Variants in ANXA8 observed in about 807,000 individuals in gnomAD.
ANXA8 encodes VAC-beta.
ANXA8 carries 9 observed loss-of-function variants against 26.8 expected under a neutral mutation model. That is an observed-to-expected ratio of 0.34 (90% confidence interval 0.20 to 0.59). The LOEUF (loss-of-function observed/expected upper bound fraction) is 0.59. Among genes scored for constraint, ANXA8 ranks in the 20% least tolerant of loss-of-function variants. The pLI is 0.84. For synonymous variants in ANXA8, 39 were observed against 94.8 expected (o/e 0.41, Z 3.42); for missense variants, 83 against 238.5 (o/e 0.35, Z 4.29).
chr10:47,483,899 C>T lies in ANXA8; in HGVS notation c.21+14G>A. 1 of 1,611,756 alleles carries T rather than the reference C, an allele frequency of 6.2e-7. No homozygotes were observed. ...CCATGCAGGAACCCAAATCTCCTGC[C>T]AGCTCCCACTTACCCAGGATTTCCA... On this transcript the variant is annotated intron_variant, in intron 1 of 11. Coordinates refer to ENST00000585281, the MANE Select transcript of ANXA8 (RefSeq NM_001040084.3).
the ANXA8 span, among the ~76,000 whole-genome samples, chr10:47,593,710 T>C: frequency 1.3e-5 from 2 of 149,248 alleles, no homozygotes; most frequent in African/African-American, 5.1e-5. Context: ...TACACCACTG[T>C]CATACTTTCA....
the ANXA8 span, among the ~76,000 whole-genome samples, chr10:47,693,201 C>T: frequency 6.6e-6 from 1 of 151,294 alleles, no homozygotes; most frequent in Non-Finnish European, 1.5e-5. Context: ...AACTTCGAAG[C>T]AATATTGATA....
the ANXA8 span, among the ~76,000 whole-genome samples, chr10:47,902,032 T>A: frequency 6.7e-6 from 1 of 148,486 alleles, no homozygotes; most frequent in African/African-American, 2.5e-5. Context: ...TTTATATGTA[T>A]AATCATCTAA....
chr10:47,483,612 T>G, intron 1 of ANXA8, among the ~76,000 whole-genome samples: 1 of 143,022 alleles, frequency 7.0e-6, no homozygotes, highest in East Asian at 2.2e-4. Context: ...CTCCTTTGAG[T>G]GGCCCCACCC....
the ANXA8 span, among the ~76,000 whole-genome samples, chr10:47,606,803 C>T: frequency 6.6e-6 from 1 of 150,506 alleles, no homozygotes; most frequent in Non-Finnish European, 1.5e-5. Flanking sequence ...GTACAACAAA[C>T]CACCATGATA....
chr10:47,563,874 T>C, the ANXA8 span, among the ~76,000 whole-genome samples: 1 of 151,866 alleles, frequency 6.6e-6, no homozygotes, highest in Non-Finnish European at 1.5e-5. Flanking sequence ...GGGAGGGATT[T>C]TTTTACGGGA....
chr10:47,682,004 T>C, the ANXA8 span, among the ~76,000 whole-genome samples: 2 of 149,612 alleles, frequency 1.3e-5, no homozygotes, highest in African/African-American at 5.0e-5. Flanking sequence ...CTTATCCCAT[T>C]GTCTCATAGC....
chr10:47,669,046 C>T, the ANXA8 span, among the ~76,000 whole-genome samples: 5 of 151,852 alleles, frequency 3.3e-5, no homozygotes, highest in South Asian at 6.2e-4. Context: ...TATGTGTTTT[C>T]TTAAGGCCTC....
chr10:47,593,391 C>T, the ANXA8 span, among the ~76,000 whole-genome samples: 1 of 149,784 alleles, frequency 6.7e-6, no homozygotes, highest in African/African-American at 2.5e-5. Context: ...GCCTCCATCT[C>T]CCCTCCCCAG....
At chr10:47,672,601 C>T in the ANXA8 span, among the ~76,000 whole-genome samples, 15 of 151,744 alleles carry the variant, frequency 9.9e-5, no homozygotes, top group Admixed American at 7.2e-4. Flanking sequence ...GTGGAGGAGA[C>T]AGTTAAAAAA....
chr10:47,769,854 C>G, the ANXA8 span, among the ~76,000 whole-genome samples: 4 of 152,314 alleles, frequency 2.6e-5, no homozygotes, highest in African/African-American at 9.6e-5. Flanking sequence ...AAAGGAATTC[C>G]TGAGACTGGG....
At chr10:47,669,704 G>C in the ANXA8 span, among the ~76,000 whole-genome samples, 2 of 151,430 alleles carry the variant, frequency 1.3e-5, no homozygotes, top group Admixed American at 1.3e-4. Flanking sequence ...GACAGAATGA[G>C]ACCCTATCTC....
At chr10:47,768,376 T>C in the ANXA8 span, among the ~76,000 whole-genome samples, 2 of 151,470 alleles carry the variant, frequency 1.3e-5, no homozygotes, top group Non-Finnish European at 1.5e-5. Flanking sequence ...TGTATTAATA[T>C]GCTAAATTGA....
chr10:47,510,964 G>A, the ANXA8 span, among the ~76,000 whole-genome samples: 45 of 127,144 alleles, frequency 3.5e-4, no homozygotes, highest in African/African-American at 1.3e-3. Context: ...TTATTTTTGA[G>A]ACGGAGTCTC....
the ANXA8 span, among the ~76,000 whole-genome samples, chr10:47,595,962 T>A: frequency 2.7e-5 from 4 of 148,832 alleles, no homozygotes; most frequent in Admixed American, 2.6e-4. Context: ...ATATATATAT[T>A]TTTTTCTCAT....
At chr10:47,991,792 G>C in the ANXA8 span, 3 of 1,609,890 alleles carry the variant, frequency 1.9e-6, no homozygotes, top group African/African-American at 4.0e-5. Flanking sequence ...CTGCAGCTGA[G>C]GAGTGAGCAG....
chr10:47,495,979 C>T, the ANXA8 span, among the ~76,000 whole-genome samples: 1 of 151,548 alleles, frequency 6.6e-6, no homozygotes, highest in Non-Finnish European at 1.5e-5. Flanking sequence ...TGAGAGCACG[C>T]CTTCCCAAGA....
chr10:47,941,976 G>A, the ANXA8 span, among the ~76,000 whole-genome samples: 1 of 147,702 alleles, frequency 6.8e-6, no homozygotes, highest in African/African-American at 2.6e-5. Flanking sequence ...GAGAAGGCTT[G>A]ACAAGACAGG....
chr10:47,510,585 C>CT, the ANXA8 span, among the ~76,000 whole-genome samples: 1 of 121,174 alleles, frequency 8.3e-6, no homozygotes, highest in Non-Finnish European at 1.7e-5. Flanking sequence ...AATCCTAGCA[C>CT]TTTGGGAGGT....
Sources: allele counts gnomAD v4.1 joint callset (sites outside exome capture counted in the v4.1 genomes callset), GRCh38; gene constraint gnomAD v4.1.1; transcripts MANE v1.5; gene names NCBI Gene and HGNC (gene_info 2026-07-23, HGNC 2026-07-21).